The following RANBP17 variants were observed in gnomAD, a reference collection of about 807,000 sequenced individuals.
RANBP17 encodes ran-binding protein 17.
A neutral mutation model predicts 141.2 loss-of-function variants in RANBP17; 158 were observed. The observed-to-expected ratio is 1.12, with a 90% CI of 0.98 to 1.28. The LOEUF is 1.28. RANBP17 is among the 50% of genes most tolerant of loss of function. RANBP17 has a pLI of 0.00. For missense variants in RANBP17, 1,438 were observed against 1,290.7 expected (o/e 1.11, Z -1.75); for synonymous variants, 430 against 450.0 (o/e 0.96, Z 0.56).
intron 16 of RANBP17, among the ~76,000 whole-genome samples, chr5:171,179,675 G>A (rs186808664): frequency 9.9e-5 from 15 of 152,006 alleles, no homozygotes; most frequent in South Asian, 6.2e-4. Context: ...ATTTTTTCAC[G>A]TCTTTACACT....
chr5:171,112,516 C>T (rs1450369084), intron 14 of RANBP17, among the ~76,000 whole-genome samples: 1 of 151,698 alleles, frequency 6.6e-6, no homozygotes, highest in East Asian at 2.0e-4. Flanking sequence ...CACAGACAGA[C>T]AATACTATTT....
chr5:170,922,203 T>C (rs1179380795), intron 11 of RANBP17, among the ~76,000 whole-genome samples: 1 of 152,140 alleles, frequency 6.6e-6, no homozygotes, highest in African/African-American at 2.4e-5. Flanking sequence ...CTCTGGAAGC[T>C]TCATCCCAGA....
intron 11 of RANBP17, among the ~76,000 whole-genome samples, chr5:170,920,225 C>T (rs547082572): frequency 3.3e-5 from 5 of 152,144 alleles, no homozygotes; most frequent in East Asian, 1.9e-4. Context: ...TATTTTACTT[C>T]GTAAAAGCTG....
intron 14 of RANBP17, among the ~76,000 whole-genome samples, chr5:170,975,985 G>T (rs545957135): frequency 3.1e-5 from 3 of 98,268 alleles, no homozygotes; most frequent in South Asian, 7.4e-4. Flanking sequence ...AGATAAATAG[G>T]CAAAAAACAA....
chr5:171,249,838 T>G (rs368245303), intron 24 of RANBP17, among the ~76,000 whole-genome samples: 1 of 152,164 alleles, frequency 6.6e-6, no homozygotes, highest in African/African-American at 2.4e-5. Context: ...AGAAAGCCCA[T>G]TTACAGAAAT....
intron 25 of RANBP17, among the ~76,000 whole-genome samples, chr5:171,283,103 A>G (rs1352775286): frequency 6.6e-6 from 1 of 152,184 alleles, no homozygotes; most frequent in African/African-American, 2.4e-5. Flanking sequence ...CAACAGATCC[A>G]AATGTCACCT....
intron 14 of RANBP17, among the ~76,000 whole-genome samples, chr5:171,061,861 T>C (rs1445198314): frequency 2.0e-5 from 3 of 152,346 alleles, no homozygotes; most frequent in Non-Finnish European, 2.9e-5. Flanking sequence ...ATTGGGTGCA[T>C]ATATATTTAG....
chr5:171,198,039 A>G (rs1368210565), intron 18 of RANBP17, among the ~76,000 whole-genome samples: 2 of 152,256 alleles, frequency 1.3e-5, no homozygotes. Context: ...ACTCCGTCTC[A>G]AAACAAGCCA....
At chr5:171,036,603 T>C (rs1423315741) in intron 14 of RANBP17, among the ~76,000 whole-genome samples, 1 of 152,168 alleles carries the variant, frequency 6.6e-6, no homozygotes, top group African/African-American at 2.4e-5. Context: ...TTTCTCCCTC[T>C]AGCAGTCCGC....
chr5:171,019,184 T>C (rs943162944), intron 14 of RANBP17, among the ~76,000 whole-genome samples: 4 of 152,224 alleles, frequency 2.6e-5, no homozygotes, highest in Non-Finnish European at 5.9e-5. Flanking sequence ...AATTTTCACA[T>C]CAATGTTCAT....
chr5:171,297,183 G>A (rs1027102858), intron 27 of RANBP17, among the ~76,000 whole-genome samples: 20 of 152,200 alleles, frequency 1.3e-4, no homozygotes, highest in African/African-American at 4.6e-4. Context: ...CTAAATGAAA[G>A]GAGATAGGTT....
At chr5:171,166,378 T>C (rs761283481) in intron 14 of RANBP17, among the ~76,000 whole-genome samples, 5 of 152,152 alleles carry the variant, frequency 3.3e-5, no homozygotes, top group Non-Finnish European at 7.4e-5. Context: ...TGAGATTATC[T>C]TAATACATTC....
intron 18 of RANBP17, among the ~76,000 whole-genome samples, chr5:171,195,094 AATGTT>A (rs1451438364): frequency 6.6e-6 from 1 of 152,230 alleles, no homozygotes; most frequent in African/African-American, 2.4e-5. Flanking sequence ...GAGAACTTAC[AATGTT>A]ATGTTCACAT....
chr5:171,064,040 A>T (rs541994441), intron 14 of RANBP17, among the ~76,000 whole-genome samples: 1 of 152,200 alleles, frequency 6.6e-6, no homozygotes, highest in Admixed American at 6.5e-5. Flanking sequence ...TGTGGGAGTG[A>T]CCCGATTTTC....
At chr5:170,978,700 G>A (rs1162423606) in intron 14 of RANBP17, among the ~76,000 whole-genome samples, 1 of 152,130 alleles carries the variant, frequency 6.6e-6, no homozygotes. Flanking sequence ...GGTTACCTTT[G>A]GGTAGGGAGA....
intron 14 of RANBP17, among the ~76,000 whole-genome samples, chr5:171,063,896 C>T (rs956749920): frequency 6.6e-6 from 1 of 152,258 alleles, no homozygotes; most frequent in Non-Finnish European, 1.5e-5. Context: ...CTCGCTGCTG[C>T]CTTGCAGTTT....
intron 25 of RANBP17, among the ~76,000 whole-genome samples, chr5:171,288,754 T>C (rs1768313054): frequency 6.6e-6 from 1 of 152,188 alleles, no homozygotes. Context: ...TGTTGGATGG[T>C]GGGAATACTT....
At position 171,245,515 on chromosome 5, in the gene RANBP17, T is replaced by C. The variant is rs551957937; in HGVS notation, c.2776+2695T>C. Among the ~76,000 whole-genome samples the C allele has an allele frequency of 8.5e-5, 13 of 152,230 alleles. No homozygotes were observed. The South Asian group carries it at 2.7e-3, about 32-fold the overall frequency. ...TTTTAGTAGAGACGGGGTTTCTCCA[T>C]GTTGGTCAGGCTGGTCTCGAACTCC... On this transcript the variant is annotated intron_variant, in intron 24 of 27. Coordinates refer to ENST00000523189, the MANE Select transcript of RANBP17 (RefSeq NM_022897.5).
intron 25 of RANBP17, among the ~76,000 whole-genome samples, chr5:171,290,779 A>G (rs1768446652): frequency 6.6e-6 from 1 of 152,212 alleles, no homozygotes; most frequent in Non-Finnish European, 1.5e-5. Context: ...TAATCAGGAC[A>G]TGAATTGGGG....
Sources: gnomAD v4.1 joint callset for allele counts (sites outside exome capture counted in the v4.1 genomes callset) on GRCh38, gnomAD v4.1.1 for gene constraint, MANE v1.5 for transcripts, NCBI Gene and HGNC (gene_info 2026-07-23, HGNC 2026-07-21) for gene names.